EYS: variants seen among roughly 807,000 people sequenced by gnomAD.
EYS encodes EGF-like photoreceptor maintenance factor, also known as protein eyes shut homolog.
A neutral mutation model predicts 282.1 loss-of-function variants in EYS; 250 were observed. The ratio of observed to expected loss-of-function variants is 0.89; its 90% CI spans 0.80 to 0.98. The LOEUF (loss-of-function observed/expected upper bound fraction) is 0.98, where lower values mean the gene tolerates loss of function less well. Ranked by LOEUF, EYS falls within the 50% of genes least tolerant of loss-of-function variation. The probability of loss-of-function intolerance (pLI) is 0.00; values close to 1 mark genes in which losing one functional copy is unlikely to be tolerated. For synonymous variants in EYS, 1,355 were observed against 1,282.9 expected, an observed-to-expected ratio of 1.06 and a Z score of -1.20; for missense variants, 4,016 against 3,709.0, an observed-to-expected ratio of 1.08 and a Z score of -2.15.
intron 41 of EYS, among the ~76,000 whole-genome samples, chr6:63,760,379 G>A (rs933701650): frequency 6.6e-6 from 1 of 151,974 alleles, no homozygotes; most frequent in African/African-American, 2.4e-5. Context: ...TATGAGAAAA[G>A]TAACTGGACA....
intron 35 of EYS, among the ~76,000 whole-genome samples, chr6:63,870,812 C>T (rs145151112): frequency 2.8e-4 from 43 of 152,212 alleles, no homozygotes; most frequent in Middle Eastern, 6.8e-3. Context: ...TCTTGAACCC[C>T]GTGGTATATT....
intron 5 of EYS, among the ~76,000 whole-genome samples, chr6:65,428,872 A>T (rs898504842): frequency 6.6e-6 from 1 of 152,054 alleles, no homozygotes. Context: ...CCAATATGAA[A>T]TTGTGGCCTA....
intron 1 of EYS, among the ~76,000 whole-genome samples, chr6:65,692,676 A>C (rs1370013780): frequency 6.7e-6 from 1 of 150,002 alleles, no homozygotes; most frequent in African/African-American, 2.4e-5. Context: ...TAAAACATAT[A>C]ATTTTTTTGG....
At chr6:65,682,592 T>C (rs574314424) in intron 1 of EYS, among the ~76,000 whole-genome samples, 6 of 152,090 alleles carry the variant, frequency 3.9e-5, no homozygotes, top group Admixed American at 1.3e-4. Flanking sequence ...TCAACAAACA[T>C]TTTTATAGAT....
intron 12 of EYS, among the ~76,000 whole-genome samples, chr6:65,252,557 AG>A (rs1182130379): frequency 6.6e-6 from 1 of 151,996 alleles, no homozygotes; most frequent in African/African-American, 2.4e-5. Context: ...TAAAATGCCT[AG>A]GGTATAATCT....
chr6:64,976,366 G>A (rs954181567), intron 14 of EYS, among the ~76,000 whole-genome samples: 3 of 150,974 alleles, frequency 2.0e-5, no homozygotes, highest in African/African-American at 4.9e-5. Flanking sequence ...TATTCAGGCT[G>A]CTATTAAAAA....
At chr6:64,040,842 G>T (rs913066691) in intron 33 of EYS, among the ~76,000 whole-genome samples, 1 of 152,188 alleles carries the variant, frequency 6.6e-6, no homozygotes, top group African/African-American at 2.4e-5. Context: ...CTCCTAAAAA[G>T]CTGGAGCTGA....
intron 42 of EYS, among the ~76,000 whole-genome samples, chr6:63,722,929 C>T (rs192406512): frequency 2.0e-5 from 3 of 152,320 alleles, no homozygotes; most frequent in East Asian, 1.9e-4. Flanking sequence ...TATGTCGTTA[C>T]ATATGTGATA....
chr6:65,573,355 A>G (rs1373492153), intron 2 of EYS, among the ~76,000 whole-genome samples: 2 of 152,158 alleles, frequency 1.3e-5, no homozygotes, highest in African/African-American at 4.8e-5. Flanking sequence ...ACATGGTCGG[A>G]ACCACTGTGG....
chr6:65,037,209 A>G (rs1443389116), intron 13 of EYS, among the ~76,000 whole-genome samples: 6 of 151,942 alleles, frequency 3.9e-5, no homozygotes, highest in Non-Finnish European at 7.4e-5. Flanking sequence ...TAATGCAAGA[A>G]CAGGAAACCA....
At chr6:65,585,587 T>A (rs1447924278) in intron 2 of EYS, among the ~76,000 whole-genome samples, 1 of 151,980 alleles carries the variant, frequency 6.6e-6, no homozygotes, top group African/African-American at 2.4e-5. Context: ...ATTATTTCAA[T>A]AACAGTTTTT....
intron 14 of EYS, among the ~76,000 whole-genome samples, chr6:64,995,852 G>A (rs1771242283): frequency 6.6e-6 from 1 of 152,022 alleles, no homozygotes; most frequent in African/African-American, 2.4e-5. Flanking sequence ...ATCCTTGGAA[G>A]TTCTGTTATT....
At chr6:64,061,224 G>T (rs1363153116) in intron 33 of EYS, among the ~76,000 whole-genome samples, 1 of 152,086 alleles carries the variant, frequency 6.6e-6, no homozygotes, top group African/African-American at 2.4e-5. Context: ...TTAGAGAATA[G>T]AATACTGGGT....
At chr6:64,319,542 G>T in intron 29 of EYS, among the ~76,000 whole-genome samples, 1 of 152,000 alleles carries the variant, frequency 6.6e-6, no homozygotes, top group Non-Finnish European at 1.5e-5. Flanking sequence ...TTGGATTTCT[G>T]CATCAGATTT....
intron 26 of EYS, among the ~76,000 whole-genome samples, chr6:64,514,970 T>C (rs1777520784): frequency 6.6e-6 from 1 of 151,822 alleles, no homozygotes; most frequent in Non-Finnish European, 1.5e-5. Context: ...TTCTGTCTTA[T>C]AATTATATTT....
chr6:65,600,024 C>G (rs17699558), intron 2 of EYS, among the ~76,000 whole-genome samples: 1 of 151,884 alleles, frequency 6.6e-6, no homozygotes, highest in Non-Finnish European at 1.5e-5. Flanking sequence ...TAAAAGTGAT[C>G]ATGTGATCAA....
chr6:65,617,145 T>A lies in EYS; in HGVS notation c.-333+22633A>T, dbSNP rs150309483. On this transcript the variant is annotated intron_variant, in intron 2 of 42. Transcript: ENST00000503581. ...ATGTGCTTGTTTCTGCAGATATTCATTAAACATCAAGAGTGTTAGAAACCT... is the reference window on the plus strand; with the variant it reads ...ATGTGCTTGTTTCTGCAGATATTCAATAAACATCAAGAGTGTTAGAAACCT... 5.4e-3 allele frequency among the ~76,000 whole-genome samples: 828 copies of A among 152,116 alleles called. 6 individuals are homozygous for A. Among genetic ancestry groups the A allele is most frequent in the African/African-American group, 0.019 (797 of 41,432 alleles).
intron 36 of EYS, among the ~76,000 whole-genome samples, chr6:63,814,577 A>G (rs1270388471): frequency 6.6e-6 from 1 of 152,218 alleles, no homozygotes; most frequent in Non-Finnish European, 1.5e-5. Context: ...AAAACTGTTG[A>G]AAATGCAGAG....
At position 64,602,899 on chromosome 6, in the gene EYS, T is replaced by G. The variant is rs553376737; in HGVS notation, c.3685-9590A>C. On this transcript the variant is annotated intron_variant, in intron 24 of 42. Transcript: ENST00000503581. ...CCTACCTAAACATGTGTCAGGTAGC[T>G]CCTAGGCTTTAGGGACTAATAAAAA... 1.7e-4 allele frequency among the ~76,000 whole-genome samples: 26 copies of G among 152,128 alleles called. No individual in the cohort carries two copies. The South Asian group carries it at 4.6e-3, about 27-fold the overall frequency.
Sources: gnomAD v4.1 joint callset for allele counts (sites outside exome capture counted in the v4.1 genomes callset) on GRCh38, gnomAD v4.1.1 for gene constraint, MANE v1.5 for transcripts, NCBI Gene and HGNC (gene_info 2026-07-23, HGNC 2026-07-21) for gene names.